Variants in SLC19A1 observed in about 807,000 individuals in gnomAD.
The protein encoded by SLC19A1 is solute carrier family 19 member 1, also known as reduced folate transporter.
A neutral mutation model predicts 35.3 loss-of-function variants in SLC19A1; 37 were observed. That is an observed-to-expected ratio of 1.05 (90% CI 0.81 to 1.38). The LOEUF is 1.38. SLC19A1 is among the 40% of genes most tolerant of loss of function. The probability of loss-of-function intolerance (pLI) is 0.00; values close to 1 mark genes in which losing one functional copy is unlikely to be tolerated. For missense variants in SLC19A1, 831 were observed against 826.9 expected, an observed-to-expected ratio of 1.00 and a Z score of -0.06; for synonymous variants, 460 against 398.5, an observed-to-expected ratio of 1.15 and a Z score of -1.84.
At chr21:45,506,487 G>A (rs1191675422) in intron 3 of SLC19A1, 3 of 238,226 alleles carry the variant, frequency 1.3e-5, no homozygotes, top group Non-Finnish European at 1.7e-5. Context: ...CCCCTTCCAG[G>A]ACAGGCCAGC....
chr21:45,511,146 C>T, downstream of SLC19A1: 2 of 1,596,522 alleles, frequency 1.3e-6, no homozygotes, highest in East Asian at 2.3e-5. Context: ...AGGCTCTGTT[C>T]TCAGGCTCTG....
In SLC19A1 at chr21:45,530,349, G is replaced by GGT. The variant is rs35727413; in HGVS notation, c.1151+419_1151+420dup. ...GGTGAGTGTCCATCTGTGCGCATGT[G>GGT]GTGTGTTCATGAGTGTGTGTGTGTC... On this transcript the variant is annotated intron_variant, in intron 4 of 5. Coordinates refer to ENST00000311124, the MANE Select transcript of SLC19A1 (RefSeq NM_194255.4). This position sits in a 1 kb window ranked among gnomAD's most constrained non-coding sequence, Gnocchi z 5.3. Among the ~76,000 whole-genome samples, 85,469 of 150,760 alleles carry GGT rather than the reference G, an allele frequency of 0.57. 24,267 individuals are homozygous for GGT. Among genetic ancestry groups the GGT allele is most frequent in the South Asian group, 0.64 (3,060 of 4,792 alleles).
At chr21:45,546,287 GC>G, upstream of SLC19A1, among the ~76,000 whole-genome samples, 1 of 152,364 alleles carries the variant, frequency 6.6e-6, no homozygotes. Flanking sequence ...CCTGCCTGGA[GC>G]CCCGGAGCTC....
chr21:45,532,038 C>G lies in SLC19A1; in HGVS notation c.300G>C (p.Gly100=). ...LRYTPVLLLQ[G]LSFVSVWLLL... ...GCAGCCACACCGACACGAAGCTGAG[C>G]CCCTGCAGCAGCAGCACCGGCGTGT... Residue 100 remains glycine (G), a synonymous_variant, in exon 3 of 6, where the codon GGG becomes GGC. Coordinates refer to ENST00000311124, the MANE Select transcript of SLC19A1 (RefSeq NM_194255.4). 6.2e-7 allele frequency: 1 copy of G among 1,612,122 alleles called. No homozygotes were observed. The highest frequency in any genetic ancestry group is 8.5e-7 in the Non-Finnish European group (1 of 1,179,894).
chr21:45,529,685 ATGTGTTGTGTGTC>A, intron 4 of SLC19A1, among the ~76,000 whole-genome samples: 1 of 149,068 alleles, frequency 6.7e-6, no homozygotes, highest in South Asian at 2.1e-4. Context: ...ATGTGTGAGC[ATGTGTTGTGTGTC>A]CGTGTGGTGT....
In SLC19A1 at chr21:45,525,842, C is replaced by T. The variant is rs1273040164; in HGVS notation, c.1268G>A (p.Gly423Asp). The change falls in exon 5 of 6, where the codon GGC becomes GAC. Residue 423 changes from glycine (G) to aspartate (D), a missense_variant. Physicochemically the swap from Gly to Asp is moderately conservative, Grantham distance 94. Transcript: ENST00000311124. ...CTGCTTGCGGACCGGGAGGCCCAGG[C>T]CCCGCACGTCCGAGACAATGAAAGT... ...IITFIVSDVR[G>D]LGLPVRKQFQ... The T allele has an allele frequency of 6.2e-7, 1 of 1,613,320 alleles. No individual in the cohort carries two copies. The highest frequency in any genetic ancestry group is 8.5e-7 in the Non-Finnish European group (1 of 1,179,940).
downstream of SLC19A1, chr21:45,509,416 C>T (rs2146119877): frequency 6.5e-7 from 1 of 1,539,404 alleles, no homozygotes. Flanking sequence ...CAACCCCTAC[C>T]CGCGGCGGGA....
At chr21:45,505,608 G>C (rs1044264938) in intron 3 of SLC19A1, among the ~76,000 whole-genome samples, 2 of 152,144 alleles carry the variant, frequency 1.3e-5, no homozygotes, top group African/African-American at 4.8e-5. Context: ...GGACCCAGGA[G>C]GACGACCACC....
In SLC19A1 at chr21:45,515,423, C is replaced by T; in HGVS notation, c.*235G>A. ...GCAGAAGCCCACCACCCACCTCTTC[C>T]AGCAACAAAGCCCGCGGGGCACAGT... On this transcript the variant is annotated 3_prime_UTR_variant, in exon 6 of 6. Coordinates refer to ENST00000311124, the MANE Select transcript of SLC19A1 (RefSeq NM_194255.4). The T allele has an allele frequency of 1.4e-6, 2 of 1,400,622 alleles. No individual in the cohort carries two copies. Among genetic ancestry groups the T allele is most frequent in the Non-Finnish European group, 1.8e-6 (2 of 1,093,610 alleles). 86.8% of individuals were successfully genotyped at this position (1,400,622 alleles called of 1,614,324 possible).
At chr21:45,535,235 C>T (rs968931223) in intron 2 of SLC19A1, among the ~76,000 whole-genome samples, 4 of 152,210 alleles carry the variant, frequency 2.6e-5, no homozygotes, top group East Asian at 1.9e-4. Context: ...CCAGCGGGGG[C>T]CCAGGCAACC....
intron 5 of SLC19A1, among the ~76,000 whole-genome samples, chr21:45,525,281 C>G (rs1279100255): frequency 3.3e-5 from 5 of 152,234 alleles, no homozygotes; most frequent in Admixed American, 2.6e-4. Context: ...TCACACCACG[C>G]CCACCATGGC....
chr21:45,517,817 C>T lies in SLC19A1; in HGVS notation c.1294-1677G>A, dbSNP rs2038045607. Among the ~76,000 whole-genome samples, 1 of 151,574 alleles carries T rather than the reference C, an allele frequency of 6.6e-6. No homozygotes were observed. Among genetic ancestry groups the T allele is most frequent in the South Asian group, 2.1e-4 (1 of 4,800 alleles). On this transcript the variant is annotated intron_variant, in intron 5 of 5. Coordinates refer to ENST00000311124, the MANE Select transcript of SLC19A1 (RefSeq NM_194255.4). The surrounding 1 kb of genome is among the most constrained non-coding windows in gnomAD (Gnocchi z 4.4). ...CTGGCAACAAGAAGGAGCCCCCACCCAGCCACCCACCCTCCCTCAGGTGTC... is the reference window on the plus strand; with the variant it reads ...CTGGCAACAAGAAGGAGCCCCCACCTAGCCACCCACCCTCCCTCAGGTGTC...
chr21:45,508,267 A>AGTGGATGGGTAG (rs965544350), downstream of SLC19A1, among the ~76,000 whole-genome samples: 2 of 127,086 alleles, frequency 1.6e-5, no homozygotes, highest in Non-Finnish European at 3.3e-5. Context: ...CAGGTGGGTG[A>AGTGGATGGGTAG]GTGGATGGGT....
At chr21:45,538,048 T>TC in intron 1 of SLC19A1, 40 bp from the exon 2 acceptor site, 1 of 1,184,548 alleles carries the variant, frequency 8.4e-7, no homozygotes, top group Non-Finnish European at 1.1e-6. Flanking sequence ...TGGAAGATGG[T>TC]CTGCAGGCCT....
downstream of SLC19A1, among the ~76,000 whole-genome samples, chr21:45,511,465 C>T (rs181126376): frequency 7.9e-5 from 12 of 152,282 alleles, no homozygotes; most frequent in East Asian, 1.7e-3. Flanking sequence ...TGCCCCCGGC[C>T]CTCTGCTCAT....
chr21:45,550,088 A>AG (rs1190954172), intron 1 of SLC19A1, among the ~76,000 whole-genome samples: 6 of 152,090 alleles, frequency 3.9e-5, no homozygotes, highest in Non-Finnish European at 7.4e-5. Context: ...AGTGGGGGTC[A>AG]GTGTGGGGTA....
At chr21:45,509,620 T>G (rs1359201667), downstream of SLC19A1, 1 of 1,337,046 alleles carries the variant, frequency 7.5e-7, no homozygotes, top group Non-Finnish European at 1.0e-6. Flanking sequence ...CCCCCCAAAG[T>G]GGGCTTGGCT....
Position 45,504,050 on chromosome 21 carries a change from T to G in SLC19A1, c.498-5438A>C, listed in dbSNP as rs1299153610. 1 of 1,613,616 alleles carries G rather than the reference T, an allele frequency of 6.2e-7. No homozygotes were observed. Among genetic ancestry groups the G allele is most frequent in the Admixed American group, 1.7e-5 (1 of 60,010 alleles). On this transcript the variant is annotated intron_variant, in intron 3 of 4. Transcript: ENST00000417954. ...GACTTTCTTCAGTTGGAGGCTGAAA[T>G]GAAGGTGGGTGACCTCCCTGTGGGG...
downstream of SLC19A1, chr21:45,512,100 C>G (rs947019516): frequency 1.4e-6 from 2 of 1,447,830 alleles, no homozygotes; most frequent in Non-Finnish European, 9.5e-7. Context: ...GGGCTGGCCT[C>G]CTGCCTCCAC....
Sources: allele counts gnomAD v4.1 joint callset (sites outside exome capture counted in the v4.1 genomes callset), GRCh38; gene constraint gnomAD v4.1.1; non-coding constraint Gnocchi (gnomAD v3.1); transcripts MANE v1.5; gene names NCBI Gene and HGNC (gene_info 2026-07-23, HGNC 2026-07-21).